AXDND1: variants seen among roughly 807,000 people sequenced by gnomAD.
AXDND1 encodes the protein axonemal dynein light chain domain-containing protein 1.
A neutral mutation model predicts 137.5 loss-of-function variants in AXDND1; 110 were observed. The ratio of observed to expected loss-of-function variants is 0.80; its 90% CI spans 0.69 to 0.94. The LOEUF (loss-of-function observed/expected upper bound fraction) is 0.94, where lower values mean the gene tolerates loss of function less well. AXDND1 is among the 40% of genes least tolerant of loss of function. The pLI is 0.00. For synonymous variants in AXDND1, 414 were observed against 399.7 expected, an observed-to-expected ratio of 1.04 and a Z score of -0.43; for missense variants, 1,191 against 1,169.8, an observed-to-expected ratio of 1.02 and a Z score of -0.26.
At chr1:179,413,867 A>G (rs988693807) in intron 12 of AXDND1, among the ~76,000 whole-genome samples, 35 of 152,226 alleles carry the variant, frequency 2.3e-4, no homozygotes, top group African/African-American at 6.7e-4. Context: ...ACCATAGTAT[A>G]TAAGTGTTCC....
intron 11 of AXDND1, among the ~76,000 whole-genome samples, chr1:179,405,774 T>C (rs1312147805): frequency 2.6e-5 from 4 of 152,048 alleles, no homozygotes; most frequent in African/African-American, 7.2e-5. Flanking sequence ...TCTTGGGTAG[T>C]CTAGCTAGAA....
intron 21 of AXDND1, among the ~76,000 whole-genome samples, chr1:179,513,253 G>A (rs763221624): frequency 1.3e-5 from 2 of 152,136 alleles, no homozygotes; most frequent in African/African-American, 2.4e-5. Flanking sequence ...TGCTGATTTT[G>A]CTGAGAGTTT....
chr1:179,398,842 G>A (rs1056549386), intron 11 of AXDND1, among the ~76,000 whole-genome samples: 2 of 151,510 alleles, frequency 1.3e-5, no homozygotes, highest in Non-Finnish European at 2.9e-5. Flanking sequence ...GGCTGTCACT[G>A]TAATGGATCA....
chr1:179,457,094 C>G (rs971801384), intron 16 of AXDND1: 20 of 1,314,856 alleles, frequency 1.5e-5, no homozygotes, highest in Non-Finnish European at 2.1e-5. Context: ...CACAACTCTT[C>G]CATCCACCTT....
At chr1:179,394,188 C>A (rs757559629) in intron 10 of AXDND1, 145 bp downstream of exon 10, 5 of 812,314 alleles carry the variant, frequency 6.2e-6, no homozygotes, top group Non-Finnish European at 9.1e-6. Flanking sequence ...ACAAAAAGAA[C>A]TAGATGTCAT....
chr1:179,444,377 T>A (rs138088743), intron 15 of AXDND1, among the ~76,000 whole-genome samples: 1 of 152,240 alleles, frequency 6.6e-6, no homozygotes, highest in East Asian at 1.9e-4. Flanking sequence ...AAGTTCTTAC[T>A]CCTAATTGCT....
At position 179,444,201 on chromosome 1, in the gene AXDND1, A is replaced by G. The variant is rs1659403416; in HGVS notation, c.1564-769A>G. On this transcript the variant is annotated intron_variant, in intron 15 of 25. Coordinates refer to ENST00000367618, the MANE Select transcript of AXDND1 (RefSeq NM_144696.6). ...GTGAGGAGCTGAAAATGTGTTTTCC[A>G]TATATTATCTTACTTACTCTTCATG... Among the ~76,000 whole-genome samples the G allele has an allele frequency of 3.3e-5, 5 of 152,108 alleles. No homozygotes were observed. The South Asian group carries it at 1.0e-3, about 31-fold the overall frequency.
At chr1:179,443,538 C>G (rs1213999683) in intron 15 of AXDND1, among the ~76,000 whole-genome samples, 2 of 152,116 alleles carry the variant, frequency 1.3e-5, no homozygotes, top group African/African-American at 4.8e-5. Flanking sequence ...CATTCTGTAC[C>G]CATTAAACTG....
At chr1:179,504,219 C>A (rs958301854) in intron 20 of AXDND1, among the ~76,000 whole-genome samples, 8 of 152,220 alleles carry the variant, frequency 5.3e-5, no homozygotes, top group Admixed American at 1.3e-4. Flanking sequence ...GGATTCTTCA[C>A]AACAGGCTGT....
At chr1:179,464,063 CTT>C (rs1462649826) in intron 16 of AXDND1, among the ~76,000 whole-genome samples, 5 of 152,108 alleles carry the variant, frequency 3.3e-5, no homozygotes, top group Admixed American at 3.3e-4. Flanking sequence ...GGTCTTGACT[CTT>C]TATCCAATTT....
intron 16 of AXDND1, among the ~76,000 whole-genome samples, chr1:179,459,563 C>T (rs561744650): frequency 3.9e-5 from 6 of 151,974 alleles, no homozygotes; most frequent in South Asian, 2.1e-4. Flanking sequence ...TCCCTTCCTA[C>T]GTTTGCATTT....
intron 15 of AXDND1, among the ~76,000 whole-genome samples, chr1:179,437,069 GAAAAAA>G (rs35702478): frequency 9.9e-6 from 1 of 100,804 alleles, no homozygotes; most frequent in Non-Finnish European, 2.0e-5. Context: ...GACACTCACT[GAAAAAA>G]AAAAAAAAAA....
At chr1:179,497,066 C>T (rs1271463270) in intron 20 of AXDND1, among the ~76,000 whole-genome samples, 1 of 151,842 alleles carries the variant, frequency 6.6e-6, no homozygotes, top group African/African-American at 2.4e-5. Context: ...TATTTTGTAC[C>T]ACTTACATCC....
intron 11 of AXDND1, among the ~76,000 whole-genome samples, chr1:179,400,600 T>A (rs201206631): frequency 1.7e-3 from 230 of 138,148 alleles, no homozygotes; most frequent in Non-Finnish European, 1.7e-3. Flanking sequence ...AGGGAAGAAA[T>A]AAAAAAAAAA....
intron 4 of AXDND1, among the ~76,000 whole-genome samples, chr1:179,375,387 A>G (rs1319439263): frequency 6.6e-6 from 1 of 152,008 alleles, no homozygotes; most frequent in African/African-American, 2.4e-5. Context: ...TATAGGCGCG[A>G]GCCACCATGC....
At chr1:179,469,990 T>C (rs1183013686) in intron 17 of AXDND1, among the ~76,000 whole-genome samples, 1 of 152,174 alleles carries the variant, frequency 6.6e-6, no homozygotes, top group African/African-American at 2.4e-5. Context: ...CCATTTTAGT[T>C]AATTTTTGTA....
intron 21 of AXDND1, among the ~76,000 whole-genome samples, chr1:179,518,385 C>CTTTT (rs71114530): frequency 1.4e-5 from 2 of 145,110 alleles, no homozygotes; most frequent in Non-Finnish European, 3.0e-5. Context: ...TTTCCTTTTT[C>CTTTT]TTTTTTTTTT....
At chr1:179,496,955 A>G (rs576083124) in intron 20 of AXDND1, among the ~76,000 whole-genome samples, 2 of 152,126 alleles carry the variant, frequency 1.3e-5, no homozygotes, top group Middle Eastern at 3.4e-3. Flanking sequence ...TCGTTCATCC[A>G]TGGGTTATTT....
At chr1:179,435,688 T>G (rs1360119254) in intron 15 of AXDND1, among the ~76,000 whole-genome samples, 1 of 152,122 alleles carries the variant, frequency 6.6e-6, no homozygotes, top group Non-Finnish European at 1.5e-5. Flanking sequence ...ATATAAAAAT[T>G]TACTCAAGAT....
Sources: allele counts gnomAD v4.1 joint callset (sites outside exome capture counted in the v4.1 genomes callset), GRCh38; gene constraint gnomAD v4.1.1; transcripts MANE v1.5; gene names NCBI Gene and HGNC (gene_info 2026-07-23, HGNC 2026-07-21).